Variants in DOCK9 observed in about 807,000 individuals in gnomAD.
DOCK9 encodes dedicator of cytokinesis 9, also known as dedicator of cytokinesis protein 9.
DOCK9 carries 89 observed loss-of-function variants against 263.3 expected under a neutral mutation model. The observed-to-expected ratio is 0.34, with a 90% CI of 0.28 to 0.40. The LOEUF is 0.40. Among genes scored for constraint, DOCK9 ranks in the 10% least tolerant of loss-of-function variants. The pLI is 1.00. For synonymous variants in DOCK9, 976 were observed against 973.1 expected, an observed-to-expected ratio of 1.00 and a Z score of -0.06; for missense variants, 2,140 against 2,603.4, an observed-to-expected ratio of 0.82 and a Z score of 3.87.
intron 1 of DOCK9, among the ~76,000 whole-genome samples, chr13:98,967,651 C>T (rs1175488397): frequency 6.6e-6 from 1 of 152,206 alleles, no homozygotes; most frequent in Non-Finnish European, 1.5e-5. Flanking sequence ...GAGGATGCTT[C>T]AGGCTCCACG....
chr13:98,878,212 T>C (rs548882489), intron 27 of DOCK9, among the ~76,000 whole-genome samples: 67 of 152,304 alleles, frequency 4.4e-4, no homozygotes, highest in African/African-American at 1.6e-3. Flanking sequence ...AGCATCTCAA[T>C]TGTTATAAAA....
At chr13:98,841,498 G>A (rs1026593462) in intron 38 of DOCK9, among the ~76,000 whole-genome samples, 13 of 152,112 alleles carry the variant, frequency 8.5e-5, no homozygotes, top group African/African-American at 2.2e-4. Flanking sequence ...ACCATATCCA[G>A]TGTAATGTGT....
chr13:99,036,668 T>C (rs1185559126), intron 1 of DOCK9, among the ~76,000 whole-genome samples: 4 of 152,154 alleles, frequency 2.6e-5, no homozygotes, highest in African/African-American at 9.7e-5. Flanking sequence ...CAGCCTCCCG[T>C]AGCTGGGATT....
chr13:98,797,012 T>C (rs535474279), intron 52 of DOCK9, 103 bp downstream of exon 52: 117 of 1,225,058 alleles, frequency 9.6e-5, no homozygotes, highest in Admixed American at 3.5e-4. Context: ...CTCCTTCAGA[T>C]GTCACAGTTC....
intron 1 of DOCK9, among the ~76,000 whole-genome samples, chr13:98,985,119 G>A (rs565557076): frequency 1.0e-3 from 154 of 152,026 alleles, no homozygotes; most frequent in African/African-American, 3.5e-3. Flanking sequence ...TCAGCTCTGG[G>A]AAAACCCACA....
intron 13 of DOCK9, among the ~76,000 whole-genome samples, chr13:98,900,306 A>T (rs1166401307): frequency 6.6e-6 from 1 of 152,250 alleles, no homozygotes; most frequent in Non-Finnish European, 1.5e-5. Context: ...TGCGGCAGGC[A>T]GAAGTAACAA....
At chr13:98,867,079 T>C in intron 30 of DOCK9, 1 of 451,968 alleles carries the variant, frequency 2.2e-6, no homozygotes, top group Non-Finnish European at 4.4e-6. Context: ...GGAGTGTCAT[T>C]TGACTCCACA....
intron 13 of DOCK9, among the ~76,000 whole-genome samples, chr13:98,900,832 T>C (rs1461499558): frequency 3.9e-5 from 6 of 152,206 alleles, no homozygotes; most frequent in Non-Finnish European, 7.3e-5. Context: ...TCGTGCATCC[T>C]GTGGACACAG....
At chr13:98,864,951 C>T (rs190261032) in intron 30 of DOCK9, among the ~76,000 whole-genome samples, 3 of 152,314 alleles carry the variant, frequency 2.0e-5, no homozygotes, top group African/African-American at 7.2e-5. Flanking sequence ...CTGGCTCCCC[C>T]CTTGCCCTCC....
chr13:99,014,200 G>A (rs1452564963), intron 1 of DOCK9, among the ~76,000 whole-genome samples: 1 of 152,198 alleles, frequency 6.6e-6, no homozygotes, highest in Non-Finnish European at 1.5e-5. Flanking sequence ...CGCATGGGAG[G>A]GGCACTGCCA....
chr13:98,968,884 T>C (rs1257659697), intron 1 of DOCK9, among the ~76,000 whole-genome samples: 3 of 152,220 alleles, frequency 2.0e-5, no homozygotes, highest in South Asian at 2.1e-4. Context: ...GCCCCTCCTT[T>C]CTGAACTCTT....
rs137998076 is a variant in DOCK9, at chr13:98,889,980, A to T, written c.1710-1269T>A. ...AAATTTACAGTCACCTAAAATTCCT[A>T]CATCTTTTTTCACATGCTTATTTCT... On this transcript the variant is annotated intron_variant, in intron 15 of 52. Coordinates refer to ENST00000682017, the MANE Select transcript of DOCK9 (RefSeq NM_001366683.2). 1.9e-4 allele frequency among the ~76,000 whole-genome samples: 29 copies of T among 152,336 alleles called. No homozygotes were observed. In the East Asian group the frequency reaches 5.0e-3, roughly 26 times the overall value.
intron 32 of DOCK9, 115 bp from the exon 33 acceptor site, chr13:98,860,637 C>G (rs1224687394): frequency 5.2e-6 from 5 of 964,430 alleles, no homozygotes; most frequent in East Asian, 2.8e-5. Flanking sequence ...ATTCAACGTG[C>G]CTGCCTGCAT....
upstream of DOCK9, among the ~76,000 whole-genome samples, chr13:99,087,185 G>C (rs572483135): frequency 2.4e-4 from 36 of 152,216 alleles, 1 homozygote; most frequent in African/African-American, 8.7e-4. Flanking sequence ...GGCGCGGGGC[G>C]CCGCGCGCTC....
At chr13:98,929,348 G>C (rs764507511) in intron 3 of DOCK9, among the ~76,000 whole-genome samples, 38 of 152,274 alleles carry the variant, frequency 2.5e-4, no homozygotes, top group Non-Finnish European at 4.6e-4. Context: ...TCTGAGACCA[G>C]CCTGACTAAC....
At chr13:98,902,148 G>T in intron 12 of DOCK9, 140 bp downstream of exon 12, 1 of 1,041,316 alleles carries the variant, frequency 9.6e-7, no homozygotes, top group Non-Finnish European at 1.4e-6. Flanking sequence ...TGCTTTTACT[G>T]TCTAATAATA....
intron 1 of DOCK9, among the ~76,000 whole-genome samples, chr13:99,084,560 AG>A (rs1183243143): frequency 6.6e-6 from 1 of 152,224 alleles, no homozygotes; most frequent in Non-Finnish European, 1.5e-5. Context: ...GGACACTCCT[AG>A]GTCACCATTA....
rs772145291 is a variant in DOCK9, at chr13:98,797,210, G to A, written c.6061C>T (p.Arg2021Cys). 1.5e-5 allele frequency: 24 copies of A among 1,613,838 alleles called. No homozygotes were observed. Among genetic ancestry groups the A allele is most frequent in the East Asian group, 6.7e-5 (3 of 44,872 alleles). Residue 2021 changes from arginine to cysteine, a missense_variant, in exon 52 of 53, where the codon CGT (arginine) becomes TGT (cysteine). By Grantham distance (180) the Arg-to-Cys change is radical. Around this residue, in one of 2 missense-constraint regions of DOCK9, gnomAD observed 619 missense variants for 861.8 expected, o/e 0.72. Transcript: ENST00000682017. ...ACGQALAVNERLIKEDQLEYQ... is the reference protein window; with the variant it reads ...ACGQALAVNECLIKEDQLEYQ... ...TCGAGCTGGTCTTCTTTAATCAGAC[G>A]TTCGTTTACCGCTAAGGCTTGACCG...
At chr13:98,902,524 T>C (rs1201025900) in intron 11 of DOCK9, 33 bp from the exon 12 acceptor site, 3 of 1,595,210 alleles carry the variant, frequency 1.9e-6, no homozygotes, top group African/African-American at 1.3e-5. Flanking sequence ...ATGATCACCA[T>C]GGCTCAAACA....
Sources: allele counts gnomAD v4.1 joint callset (sites outside exome capture counted in the v4.1 genomes callset), GRCh38; gene constraint gnomAD v4.1.1; regional missense constraint gnomAD v4.1.1; transcripts MANE v1.5; gene names NCBI Gene and HGNC (gene_info 2026-07-23, HGNC 2026-07-21).